Variants in HTR2C observed in about 807,000 individuals in gnomAD.
HTR2C encodes the protein 5-hydroxytryptamine (serotonin) receptor 2C, G protein-coupled.
HTR2C carries 5 observed loss-of-function variants against 21.0 expected under a neutral mutation model. The ratio of observed to expected loss-of-function variants is 0.24; its 90% CI spans 0.12 to 0.50. The LOEUF is 0.50. HTR2C is among the 20% of genes least tolerant of loss of function. The probability of loss-of-function intolerance (pLI) is 0.98; values close to 1 mark genes in which losing one functional copy is unlikely to be tolerated. For synonymous variants in HTR2C, 150 were observed against 145.3 expected, an observed-to-expected ratio of 1.03 and a Z score of -0.23; for missense variants, 271 against 371.2, an observed-to-expected ratio of 0.73 and a Z score of 2.22.
rs2070484562 is a variant in HTR2C at position 114,807,440 on chromosome X, T to C, written c.350-40563T>C. Among the ~76,000 whole-genome samples the C allele has an allele frequency of 5.1e-5, 3 of 58,655 alleles. No individual in the cohort carries two copies. The South Asian group carries it at 3.6e-3, about 71-fold the overall frequency. The allele number at this position is 58,655 out of a possible 115,157, so 50.9% of individuals were successfully genotyped here. A position where few individuals can be genotyped will look rare whatever the true frequency, so the allele number is the denominator to read the frequency against. ...ATCTATACCATATATATACGCCATA[T>C]ATATACCATATATATACGCCATATA... On this transcript the variant is annotated intron_variant, in intron 4 of 5. Transcript: ENST00000276198.
intron 4 of HTR2C, among the ~76,000 whole-genome samples, chrX:114,737,235 T>C (rs2069600365): frequency 3.7e-5 from 4 of 107,330 alleles, no homozygotes; most frequent in South Asian, 8.0e-4. Context: ...TTTTCTTTTT[T>C]TTTTTTTTTG....
rs185591964 is a variant in HTR2C, at chrX:114,606,821, T to C, written c.-146-6994T>C. Among the ~76,000 whole-genome samples the C allele has an allele frequency of 4.0e-3, 448 of 110,894 alleles. 6 individuals carry two copies. The highest frequency in any genetic ancestry group is 0.014 in the African/African-American group (407 of 29,781). On this transcript the variant is annotated intron_variant, in intron 1 of 5. Transcript: ENST00000276198. ...ATGTGTGTCCGTGTGAAGAGACCAC[T>C]AAACAGGCTTCGTGTGAGCAACATG...
intron 1 of HTR2C, among the ~76,000 whole-genome samples, chrX:114,611,314 C>T (rs1369953905): frequency 9.0e-6 from 1 of 111,462 alleles, no homozygotes. Context: ...GGAGCTTCGA[C>T]GGGCATAACA....
At chrX:114,661,581 G>A (rs1930990766) in intron 2 of HTR2C, among the ~76,000 whole-genome samples, 1 of 110,326 alleles carries the variant, frequency 9.1e-6, no homozygotes, top group Non-Finnish European at 1.9e-5. Flanking sequence ...ATGTTGGCCA[G>A]GCTGGTCTCA....
At chrX:114,823,408 C>T (rs1424946741) in intron 4 of HTR2C, 23 of 339,360 alleles carry the variant, frequency 6.8e-5, no homozygotes, top group Non-Finnish European at 1.2e-4. Context: ...TCAAGCCTTT[C>T]AGCAGAAACT....
intron 4 of HTR2C, 127 bp from the exon 5 acceptor site, chrX:114,847,876 A>T: frequency 2.1e-6 from 1 of 486,359 alleles, no homozygotes; most frequent in South Asian, 3.6e-5. Context: ...ATAGAAAATA[A>T]TGCTTCCTAA....
At chrX:114,716,736 A>G (rs1933005668) in intron 2 of HTR2C, among the ~76,000 whole-genome samples, 1 of 112,061 alleles carries the variant, frequency 8.9e-6, no homozygotes, top group South Asian at 3.7e-4. Context: ...TCGCTAGAGT[A>G]CATTTGAAGT....
At chrX:114,634,752 C>T (rs1011424573) in intron 2 of HTR2C, among the ~76,000 whole-genome samples, 2 of 110,431 alleles carry the variant, frequency 1.8e-5, no homozygotes, top group Non-Finnish European at 3.8e-5. Flanking sequence ...GTAGAGGTTG[C>T]GGTGAGCCGA....
chrX:114,669,927 A>ATATTG (rs1336485113), intron 2 of HTR2C, among the ~76,000 whole-genome samples: 2 of 112,149 alleles, frequency 1.8e-5, no homozygotes, highest in Admixed American at 9.5e-5. Flanking sequence ...AATTGGCCTC[A>ATATTG]GATCACACAG....
At chrX:114,618,834 A>T (rs1422420313) in intron 2 of HTR2C, among the ~76,000 whole-genome samples, 1 of 111,614 alleles carries the variant, frequency 9.0e-6, no homozygotes, top group Non-Finnish European at 1.9e-5. Context: ...AAAATTTCTA[A>T]CAATTCCTTT....
chrX:114,843,854 T>A (rs782188435), intron 4 of HTR2C, among the ~76,000 whole-genome samples: 59 of 111,393 alleles, frequency 5.3e-4, no homozygotes, highest in Non-Finnish European at 8.1e-4. Context: ...AATTGTCAAC[T>A]AAATGCTCTA....
intron 4 of HTR2C, among the ~76,000 whole-genome samples, chrX:114,768,391 G>A: frequency 9.0e-6 from 1 of 110,573 alleles, no homozygotes; most frequent in East Asian, 2.8e-4. Flanking sequence ...ATTATTTTTA[G>A]TATTACATTA....
At chrX:114,838,116 T>G (rs1217100436) in intron 4 of HTR2C, among the ~76,000 whole-genome samples, 1 of 111,682 alleles carries the variant, frequency 9.0e-6, no homozygotes, top group African/African-American at 3.2e-5. Context: ...CTCTTGTTTT[T>G]TCTGATGTGT....
chrX:114,634,476 T>C (rs1285404594), intron 2 of HTR2C, among the ~76,000 whole-genome samples: 1 of 112,155 alleles, frequency 8.9e-6, no homozygotes, highest in East Asian at 2.8e-4. Context: ...TCATGATTTT[T>C]CAGTGATTAT....
At chrX:114,834,772 C>G (rs1399894633) in intron 4 of HTR2C, among the ~76,000 whole-genome samples, 38 of 106,586 alleles carry the variant, frequency 3.6e-4, no homozygotes, top group African/African-American at 1.3e-3. Context: ...GTATTTTGCT[C>G]GTTAGTTGAT....
chrX:114,889,926 A>G (rs782164527), intron 5 of HTR2C, among the ~76,000 whole-genome samples: 1 of 111,662 alleles, frequency 9.0e-6, no homozygotes, highest in Non-Finnish European at 1.9e-5. Flanking sequence ...ATTATCTTGA[A>G]TGAATGTTTC....
At chrX:114,654,219 C>T (rs1930695509) in intron 2 of HTR2C, among the ~76,000 whole-genome samples, 1 of 108,002 alleles carries the variant, frequency 9.3e-6, no homozygotes, top group African/African-American at 3.3e-5. Context: ...CATGAGATTC[C>T]AAAACCCCTT....
At chrX:114,900,525 C>T (rs2071329892) in intron 5 of HTR2C, 1 of 113,825 alleles carries the variant, frequency 8.8e-6, no homozygotes, top group African/African-American at 3.3e-5. Context: ...ATGGGTTTGC[C>T]AGGAGCCATA....
chrX:114,641,050 TTC>T (rs1930093495), intron 2 of HTR2C, among the ~76,000 whole-genome samples: 1 of 101,766 alleles, frequency 9.8e-6, no homozygotes, highest in African/African-American at 3.9e-5. Context: ...CTTTCTTTCT[TTC>T]TTTTTTTCTT....
Sources: gnomAD v4.1 joint callset for allele counts (sites outside exome capture counted in the v4.1 genomes callset) on GRCh38, gnomAD v4.1.1 for gene constraint, MANE v1.5 for transcripts, NCBI Gene and HGNC (gene_info 2026-07-23, HGNC 2026-07-21) for gene names.